PDE3B: variants seen among roughly 807,000 people sequenced by gnomAD.
The protein encoded by PDE3B is cGMP-inhibited 3',5'-cyclic phosphodiesterase 3B.
Under a neutral mutation model 116.8 loss-of-function variants are expected in PDE3B, and 66 were observed. That is an observed-to-expected ratio of 0.56 (90% CI 0.46 to 0.69). The LOEUF is 0.69. PDE3B is among the 30% of genes least tolerant of loss of function. PDE3B has a pLI of 0.00. For missense variants in PDE3B, 1,384 were observed against 1,368.1 expected (o/e 1.01, Z -0.18); for synonymous variants, 595 against 533.6 (o/e 1.12, Z -1.59).
At chr11:14,859,447 TTGTTA>T (rs1847907650) in intron 13 of PDE3B, among the ~76,000 whole-genome samples, 1 of 152,210 alleles carries the variant, frequency 6.6e-6, no homozygotes, top group African/African-American at 2.4e-5. Flanking sequence ...ATATTATTGC[TTGTTA>T]TATTTTCTTT....
At chr11:14,717,918 C>T (rs1439427197) in intron 1 of PDE3B, among the ~76,000 whole-genome samples, 2 of 141,002 alleles carry the variant, frequency 1.4e-5, no homozygotes, top group Non-Finnish European at 3.1e-5. Context: ...TCACACATAA[C>T]AATATTAACT....
chr11:14,743,631 C>T (rs957642106), intron 1 of PDE3B, among the ~76,000 whole-genome samples: 1 of 152,220 alleles, frequency 6.6e-6, no homozygotes, highest in African/African-American at 2.4e-5. Flanking sequence ...CTGCAGCTAG[C>T]TCGGTGTCTG....
intron 1 of PDE3B, among the ~76,000 whole-genome samples, chr11:14,722,763 C>G (rs751907982): frequency 2.6e-5 from 4 of 152,132 alleles, no homozygotes; most frequent in Non-Finnish European, 5.9e-5. Flanking sequence ...TCAGCTAAGC[C>G]ACTTTCAGAT....
At chr11:14,784,307 C>T (rs747110244) in intron 2 of PDE3B, among the ~76,000 whole-genome samples, 13 of 152,196 alleles carry the variant, frequency 8.5e-5, no homozygotes, top group Non-Finnish European at 1.5e-4. Context: ...GACTATCCTT[C>T]TTGTGAGTTT....
chr11:14,667,186 A>G (rs1854186549), intron 1 of PDE3B, among the ~76,000 whole-genome samples: 2 of 151,866 alleles, frequency 1.3e-5, no homozygotes, highest in African/African-American at 2.4e-5. Flanking sequence ...TCGCAAGGAC[A>G]AAAAACCAAA....
chr11:14,869,250 C>CCTA (rs1555008619), intron 15 of PDE3B, among the ~76,000 whole-genome samples: 1 of 151,958 alleles, frequency 6.6e-6, no homozygotes, highest in Admixed American at 6.6e-5. Flanking sequence ...TTTCTGTTTT[C>CCTA]CTAGCTCTTT....
intron 8 of PDE3B, 110 bp downstream of exon 8, chr11:14,830,956 A>C: frequency 1.7e-6 from 1 of 584,434 alleles, no homozygotes; most frequent in South Asian, 7.6e-5. Context: ...AGTATTTTTT[A>C]ATTTTTTTAC....
chr11:14,756,802 A>T lies in PDE3B; in HGVS notation c.979-15135A>T, dbSNP rs56158942. Among the ~76,000 whole-genome samples the T allele has an allele frequency of 7.7e-3, 908 of 118,068 alleles. 14 individuals carry two copies. The highest frequency in any genetic ancestry group is 0.012 in the Non-Finnish European group (563 of 47,488). The allele number at this position is 118,068 out of a possible 152,430, so 77.5% of individuals were successfully genotyped here. A position where few individuals can be genotyped will look rare whatever the true frequency, so the allele number is the denominator to read the frequency against. On this transcript the variant is annotated intron_variant, in intron 1 of 15. Coordinates refer to ENST00000282096, the MANE Select transcript of PDE3B (RefSeq NM_000922.4). ...ACACAAGATATCATTTTAAGTGCTT[A>T]TTTTTTTTTTTTATTATACTTTAAG...
intron 2 of PDE3B, among the ~76,000 whole-genome samples, chr11:14,778,441 C>T (rs1002175226): frequency 3.9e-5 from 6 of 152,294 alleles, no homozygotes; most frequent in African/African-American, 4.8e-5. Flanking sequence ...ACGCCTCATA[C>T]GGCCGGGCGC....
intron 5 of PDE3B, among the ~76,000 whole-genome samples, chr11:14,810,537 T>A (rs1859094274): frequency 6.6e-6 from 1 of 152,068 alleles, no homozygotes; most frequent in Non-Finnish European, 1.5e-5. Flanking sequence ...ATAGTGTATA[T>A]GTGCCACATT....
At chr11:14,811,516 C>T (rs1056221726) in intron 5 of PDE3B, among the ~76,000 whole-genome samples, 14 of 151,622 alleles carry the variant, frequency 9.2e-5, no homozygotes, top group Admixed American at 6.6e-4. Context: ...GTTTTGGTAC[C>T]AGTACCATGC....
At chr11:14,880,485 A>G in the PDE3B span, 2,719 of 1,613,472 alleles carry the variant, frequency 1.7e-3, 29 homozygotes, top group African/African-American at 0.025. Flanking sequence ...CTAGTTCCAC[A>G]TTTTCACTAA....
chr11:14,861,162 A>G (rs781947749), intron 13 of PDE3B, 43 bp from the exon 14 acceptor site: 4 of 1,498,644 alleles, frequency 2.7e-6, no homozygotes, highest in Non-Finnish European at 2.8e-6. Flanking sequence ...CAAGTTTTAA[A>G]AATGCCTTCA....
At chr11:14,885,796 A>G in the PDE3B span, 1 of 1,612,982 alleles carries the variant, frequency 6.2e-7, no homozygotes, top group Non-Finnish European at 8.5e-7. Context: ...TGTCATCTTC[A>G]TGAATAAAGG....
chr11:14,880,862 CCTT>C, the PDE3B span: 3 of 1,220,094 alleles, frequency 2.5e-6, no homozygotes, highest in East Asian at 7.6e-5. Context: ...GGTTAGTCAT[CCTT>C]CTCCAAATTG....
intron 11 of PDE3B, 33 bp downstream of exon 11, chr11:14,835,128 GATC>G: frequency 7.5e-7 from 1 of 1,325,700 alleles, no homozygotes; most frequent in Non-Finnish European, 1.1e-6. Flanking sequence ...TAATTATTTT[GATC>G]AGGAATAGTA....
chr11:14,697,184 C>T (rs1039781963), intron 1 of PDE3B, among the ~76,000 whole-genome samples: 4 of 152,096 alleles, frequency 2.6e-5, no homozygotes, highest in Admixed American at 6.6e-5. Context: ...AGGATCCTCC[C>T]GCCTTGACCT....
chr11:14,682,284 G>A (rs1854733859), intron 1 of PDE3B, among the ~76,000 whole-genome samples: 1 of 152,118 alleles, frequency 6.6e-6, no homozygotes, highest in African/African-American at 2.4e-5. Flanking sequence ...TGATAACGTT[G>A]TCTGTCAATA....
In PDE3B at chr11:14,836,375, A is replaced by G. The variant is rs188001213; in HGVS notation, c.2320+1280A>G. Among the ~76,000 whole-genome samples the G allele has an allele frequency of 1.8e-3, 268 of 152,214 alleles. 1 individual carries two copies. The highest frequency in any genetic ancestry group is 6.0e-3 in the African/African-American group (248 of 41,544). On this transcript the variant is annotated intron_variant, in intron 11 of 15. Transcript: ENST00000282096. The stretch of plus-strand genomic sequence containing the variant: ...TTTCTCTTTCCTATTGGTTTTTAGC[A>G]TTTTAACTATGATGTACTCATGTAA...
Sources: allele counts gnomAD v4.1 joint callset (sites outside exome capture counted in the v4.1 genomes callset), GRCh38; gene constraint gnomAD v4.1.1; transcripts MANE v1.5; gene names NCBI Gene and HGNC (gene_info 2026-07-23, HGNC 2026-07-21).